The following FKRP variants were observed in gnomAD, a reference collection of about 807,000 sequenced individuals.
FKRP encodes the protein ribitol 5-phosphate transferase FKRP.
FKRP carries 25 observed loss-of-function variants against 30.6 expected under a neutral mutation model. The ratio of observed to expected loss-of-function variants is 0.82; its 90% CI spans 0.60 to 1.14. The LOEUF (loss-of-function observed/expected upper bound fraction) is 1.14. Ranked by LOEUF, FKRP falls within the 50% of genes most tolerant of loss-of-function variation. FKRP has a pLI of 0.00. For synonymous variants in FKRP, 358 were observed against 342.5 expected (o/e 1.05, Z -0.50); for missense variants, 771 against 727.8 (o/e 1.06, Z -0.68).
chr19:46,745,566 T>C (rs2122451617), upstream of FKRP, among the ~76,000 whole-genome samples: 3 of 151,918 alleles, frequency 2.0e-5, no homozygotes, highest in South Asian at 6.3e-4. Context: ...ATCCTCCCGG[T>C]TCCCCATCTG....
In FKRP at chr19:46,757,393, TG is replaced by T; in HGVS notation, c.*458del. 1 of 195,348 alleles carries T rather than the reference TG, an allele frequency of 5.1e-6. No individual in the cohort carries two copies. 12.1% of individuals were successfully genotyped at this position (195,348 alleles called of 1,614,324 possible). A position where few individuals can be genotyped will look rare whatever the true frequency, so the allele number is the denominator to read the frequency against. ...CTGGCTCTATCGCTTCGGAGCCAGG[TG>T]GGCCTGGGGGGGCGTCGCAGTCTCT... is the stretch of plus-strand genomic sequence containing the variant. On this transcript the variant is annotated 3_prime_UTR_variant, in exon 4 of 4. Transcript: ENST00000318584.
At chr19:46,745,902 A>C, upstream of FKRP, 1 of 369,484 alleles carries the variant, frequency 2.7e-6, no homozygotes, top group Non-Finnish European at 4.7e-6. Context: ...GGTCCCGGTG[A>C]TCCCTCCCAC....
At chr19:46,746,984 G>T (rs1017420905) in intron 1 of FKRP, 14 of 152,262 alleles carry the variant, frequency 9.2e-5, no homozygotes, top group African/African-American at 3.1e-4. Context: ...CCAGGAGAAG[G>T]TTGCTAAGGT....
chr19:46,755,678 C>T lies in FKRP; in HGVS notation c.228C>T (p.Ala76=), dbSNP rs780639027. The T allele has an allele frequency of 1.3e-6, 2 of 1,592,550 alleles. No individual in the cohort carries two copies. Among genetic ancestry groups the T allele is most frequent in the Non-Finnish European group, 1.7e-6 (2 of 1,175,932 alleles). Residue 76 remains alanine, a synonymous_variant, in exon 4 of 4, where the codon GCC becomes GCT. Transcript: ENST00000318584. The stretch of plus-strand genomic sequence containing the variant: ...ACTCCTTCCTGCAGCAAGACCCAGC[C>T]CAGCCCGTGGTGGTGGCAGCCGACA... The part of the protein sequence containing the change: ...LVDSFLQQDP[A]QPVVVAADTL...
rs1221940943 is a variant in FKRP at position 46,755,465 on chromosome 19, C to A, written c.15C>A (p.Arg5=). 6.2e-7 allele frequency: 1 copy of A among 1,607,598 alleles called. No homozygotes were observed. The highest frequency in any genetic ancestry group is 8.5e-7 in the Non-Finnish European group (1 of 1,179,290). Residue 5 remains arginine, a synonymous_variant, in exon 4 of 4, where the codon CGC becomes CGA. Coordinates refer to ENST00000318584, the MANE Select transcript of FKRP (RefSeq NM_024301.5). ...ACTTCGGCCCCATGCGGCTCACCCG[C>A]TGCCAGGCTGCCCTGGCGGCCGCCA... MRLT[R]CQAALAAAIT...
chr19:46,756,362 G>A lies in FKRP; in HGVS notation c.912G>A (p.Thr304=), dbSNP rs1301337774. ...GCTTCGGAACCGTGGTGGGCGACAC[G>A]CCCGCCTACCTCTACGAGGAGCGCT... ...TRCFGTVVGD[T]PAYLYEERWT... is the part of the protein sequence containing the mutation. The change falls in exon 4 of 4, where the codon ACG becomes ACA. Residue 304 remains threonine (T), a synonymous_variant. Transcript: ENST00000318584. The surrounding 1 kb of genome is among the most constrained non-coding windows in gnomAD (Gnocchi z 6.6). 3 of 1,559,388 alleles carry A rather than the reference G, an allele frequency of 1.9e-6. No individual in the cohort carries two copies. Among genetic ancestry groups the A allele is most frequent in the South Asian group, 1.2e-5 (1 of 85,072 alleles).
chr19:46,753,073 A>G (rs374304840), intron 3 of FKRP, among the ~76,000 whole-genome samples: 27 of 143,982 alleles, frequency 1.9e-4, no homozygotes, highest in South Asian at 9.1e-4. Context: ...GGCTGAGGCA[A>G]GAGAATCGCT....
At chr19:46,755,043 A>G (rs569278825) in intron 3 of FKRP, among the ~76,000 whole-genome samples, 1 of 152,146 alleles carries the variant, frequency 6.6e-6, no homozygotes, top group East Asian at 1.9e-4. Context: ...ATGCATTCAT[A>G]CTGTTGTGCC....
intron 3 of FKRP, among the ~76,000 whole-genome samples, chr19:46,754,899 C>A (rs965021530): frequency 2.0e-5 from 3 of 152,268 alleles, no homozygotes; most frequent in African/African-American, 7.2e-5. Flanking sequence ...AGCCACCGCG[C>A]CCAGCCTAAC....
Position 46,758,265 on chromosome 19 carries a change from C to A in FKRP, c.*1327C>A, listed in dbSNP as rs2054966043. ...GTCAGGCTCTGGAGCCCACAATTGT[C>A]TTACCCACTATGCCCCTCTCTAGTC... is the stretch of plus-strand genomic sequence containing the variant. On this transcript the variant is annotated 3_prime_UTR_variant, in exon 4 of 4. Coordinates refer to ENST00000318584, the MANE Select transcript of FKRP (RefSeq NM_024301.5). 6.0e-6 allele frequency: 1 copy of A among 167,092 alleles called. No individual in the cohort carries two copies. Among genetic ancestry groups the A allele is most frequent in the Non-Finnish European group, 1.5e-5 (1 of 68,128 alleles). The allele number at this position is 167,092 out of a possible 1,614,324, so 10.4% of individuals were successfully genotyped here. A position where few individuals can be genotyped will look rare whatever the true frequency, so the allele number is the denominator to read the frequency against.
chr19:46,750,062 G>T (rs1183820124), intron 3 of FKRP, among the ~76,000 whole-genome samples: 1 of 152,016 alleles, frequency 6.6e-6, no homozygotes, highest in Non-Finnish European at 1.5e-5. Flanking sequence ...TTAAACAAGT[G>T]AATATGCCTA....
rs769005880 is a variant in FKRP at position 46,756,335 on chromosome 19, C to T, written c.885C>T (p.Arg295=). The part of the protein sequence containing the change: ...EWFGCNKETT[R]CFGTVVGDTP... Reference sequence around the variant, plus strand: ...TCGGCTGCAACAAGGAGACCACGCGCTGCTTCGGAACCGTGGTGGGCGACA... The same window carrying T: ...TCGGCTGCAACAAGGAGACCACGCGTTGCTTCGGAACCGTGGTGGGCGACA... The change falls in exon 4 of 4, where the codon CGC becomes CGT. Residue 295 remains arginine (R), a synonymous_variant. Transcript: ENST00000318584. This position sits in a 1 kb window ranked among gnomAD's most constrained non-coding sequence, Gnocchi z 6.6. 70 of 1,558,216 alleles carry T rather than the reference C, an allele frequency of 4.5e-5. No individual in the cohort carries two copies. The African/African-American group carries it at 7.3e-4, about 16-fold the overall frequency.
Position 46,755,635 on chromosome 19 carries a change from C to T in FKRP, c.185C>T (p.Ala62Val), listed in dbSNP as rs1448177835. 2.5e-6 allele frequency: 4 copies of T among 1,600,934 alleles called. No individual in the cohort carries two copies. Among genetic ancestry groups the T allele is most frequent in the Admixed American group, 1.7e-5 (1 of 59,508 alleles). ...LVREFEAFDNAVPELVDSFLQ... is the reference protein window; with the variant it reads ...LVREFEAFDNVVPELVDSFLQ... ...CGGGAGTTCGAGGCATTTGACAACG[C>T]GGTGCCCGAGCTGGTAGACTCCTTC... Residue 62 changes from alanine (A) to valine (V), a missense_variant, in exon 4 of 4, where the codon GCG becomes GTG. Coordinates refer to ENST00000318584, the MANE Select transcript of FKRP (RefSeq NM_024301.5).
At position 46,758,537 on chromosome 19, in the gene FKRP, T is replaced by C. The variant is rs554550107; in HGVS notation, c.*1599T>C. The C allele has an allele frequency of 6.0e-5, 10 of 166,218 alleles. No individual in the cohort carries two copies. In the South Asian group the frequency reaches 1.9e-3, roughly 31 times the overall value. 10.3% of individuals were successfully genotyped at this position (166,218 alleles called of 1,614,324 possible). A position where few individuals can be genotyped will look rare whatever the true frequency, so the allele number is the denominator to read the frequency against. Reference sequence around the variant, plus strand: ...TTTCTTGCCTCATCCCAATGACTTTTGCACACCCAGGTGTGAGCACCCAGC... The same window carrying C: ...TTTCTTGCCTCATCCCAATGACTTTCGCACACCCAGGTGTGAGCACCCAGC... On this transcript the variant is annotated 3_prime_UTR_variant, in exon 4 of 4. Coordinates refer to ENST00000318584, the MANE Select transcript of FKRP (RefSeq NM_024301.5).
intron 1 of FKRP, chr19:46,747,081 G>A (rs1468326590): frequency 1.3e-5 from 2 of 152,388 alleles, no homozygotes; most frequent in Non-Finnish European, 2.9e-5. Context: ...CAGGTAGAAA[G>A]GACCCCAGCC....
At chr19:46,746,407 G>A (rs1019521143) in intron 1 of FKRP, 14 of 1,050,638 alleles carry the variant, frequency 1.3e-5, no homozygotes, top group Admixed American at 1.1e-4. Context: ...CGGCGACCGC[G>A]GCGGCCGCTC....
In FKRP at chr19:46,756,027, G is replaced by T; in HGVS notation, c.577G>T (p.Ala193Ser). 6.3e-7 allele frequency: 1 copy of T among 1,577,894 alleles called. No homozygotes were observed. The highest frequency in any genetic ancestry group is 8.5e-7 in the Non-Finnish European group (1 of 1,170,662). Residue 193 changes from alanine (A) to serine (S), a missense_variant, in exon 4 of 4, where the codon GCC becomes TCC. Physicochemically the swap from Ala to Ser is moderately conservative, Grantham distance 99. Coordinates refer to ENST00000318584, the MANE Select transcript of FKRP (RefSeq NM_024301.5). This position sits in a 1 kb window ranked among gnomAD's most constrained non-coding sequence, Gnocchi z 6.6. ...GAAPAAPRCD[A>S]LDGDAVVLLR... Reference sequence around the variant, plus strand: ...AGCCCCCGCCGCGCCCCGCTGCGACGCCCTGGACGGAGATGCTGTGGTGCT... The same window carrying T: ...AGCCCCCGCCGCGCCCCGCTGCGACTCCCTGGACGGAGATGCTGTGGTGCT...
chr19:46,744,846 T>C (rs943749112), upstream of FKRP, among the ~76,000 whole-genome samples: 3 of 152,006 alleles, frequency 2.0e-5, no homozygotes, highest in Non-Finnish European at 2.9e-5. Flanking sequence ...CAGCGGGCCA[T>C]TCCTGATCCC....
chr19:46,755,975 G>C lies in FKRP; in HGVS notation c.525G>C (p.Leu175=), dbSNP rs2054907207. The stretch of plus-strand genomic sequence containing the variant: ...GGTGCCTGGCCCTGAACGTCAGCCT[G>C]CGAGAGTGGACCGCCCGCTATGGCG... ...PARCLALNVS[L]REWTARYGAA... The change falls in exon 4 of 4, where the codon CTG becomes CTC. Residue 175 remains leucine (L), a synonymous_variant. Coordinates refer to ENST00000318584, the MANE Select transcript of FKRP (RefSeq NM_024301.5). The C allele has an allele frequency of 6.5e-7, 1 of 1,540,928 alleles. No individual in the cohort carries two copies. The highest frequency in any genetic ancestry group is 8.7e-7 in the Non-Finnish European group (1 of 1,150,272).
Sources: gnomAD v4.1 joint callset for allele counts (sites outside exome capture counted in the v4.1 genomes callset) on GRCh38, gnomAD v4.1.1 for gene constraint, Gnocchi (gnomAD v3.1) non-coding constraint, MANE v1.5 for transcripts, NCBI Gene and HGNC (gene_info 2026-07-23, HGNC 2026-07-21) for gene names.